Variants in NEGR1 observed in about 807,000 individuals in gnomAD.
NEGR1 encodes the protein neuronal growth regulator 1, also known as IgLON family member 4.
Under a neutral mutation model 40.9 loss-of-function variants are expected in NEGR1, and 10 were observed. The ratio of observed to expected loss-of-function variants is 0.24; its 90% CI spans 0.15 to 0.42. NEGR1 has a LOEUF of 0.42. NEGR1 is among the 10% of genes least tolerant of loss of function. NEGR1 has a pLI of 1.00. For synonymous variants in NEGR1, 185 were observed against 166.8 expected (o/e 1.11, Z -0.84); for missense variants, 352 against 438.9 (o/e 0.80, Z 1.77).
intron 1 of NEGR1, among the ~76,000 whole-genome samples, chr1:71,945,821 G>C (rs184409440): frequency 6.6e-6 from 1 of 152,224 alleles, no homozygotes; most frequent in Admixed American, 6.5e-5. Flanking sequence ...GTGTTAAGTA[G>C]CTTCTATTTT....
chr1:72,162,567 C>T (rs986478563), intron 1 of NEGR1, among the ~76,000 whole-genome samples: 6 of 152,170 alleles, frequency 3.9e-5, no homozygotes, highest in Non-Finnish European at 8.8e-5. Context: ...TTAAAACTGC[C>T]ATGCTTAGTA....
intron 1 of NEGR1, among the ~76,000 whole-genome samples, chr1:72,143,317 T>C (rs2100339210): frequency 6.6e-6 from 1 of 152,044 alleles, no homozygotes; most frequent in East Asian, 1.9e-4. Flanking sequence ...TACAACTAGA[T>C]TTCCCCAAGA....
chr1:71,725,628 C>T (rs549951467), intron 3 of NEGR1, among the ~76,000 whole-genome samples: 2 of 152,190 alleles, frequency 1.3e-5, no homozygotes, highest in South Asian at 2.1e-4. Context: ...TTAGTCTTCT[C>T]AGTATTTTGA....
At chr1:71,935,390 TC>T in intron 1 of NEGR1, 79 bp from the exon 2 acceptor site, 1 of 999,118 alleles carries the variant, frequency 1.0e-6, no homozygotes, top group Non-Finnish European at 1.6e-6. Flanking sequence ...AGTGTTTTTT[TC>T]TTTTGCTGAA....
chr1:72,164,896 A>G (rs1570066255), intron 1 of NEGR1, among the ~76,000 whole-genome samples: 1 of 152,132 alleles, frequency 6.6e-6, no homozygotes, highest in Non-Finnish European at 1.5e-5. Flanking sequence ...TATGCTAAGT[A>G]TCACCATAGC....
chr1:71,404,833 C>T lies in NEGR1; in HGVS notation c.*2613G>A, dbSNP rs975232199. 1 of 152,172 alleles carries T rather than the reference C, an allele frequency of 6.6e-6. No individual in the cohort carries two copies. Among genetic ancestry groups the T allele is most frequent in the Non-Finnish European group, 1.5e-5 (1 of 67,744 alleles). The allele number at this position is 152,172 out of a possible 1,614,324, so 9.4% of individuals were successfully genotyped here. A position where few individuals can be genotyped will look rare whatever the true frequency, so the allele number is the denominator to read the frequency against. The stretch of plus-strand genomic sequence containing the variant: ...ATTCTGAAATTGCAACAATCTTGTA[C>T]AGTCAGGACTGATAAAATGGGGTAA... On this transcript the variant is annotated 3_prime_UTR_variant, in exon 7 of 7. Transcript: ENST00000357731.
intron 1 of NEGR1, among the ~76,000 whole-genome samples, chr1:72,007,075 C>T (rs946239286): frequency 3.3e-5 from 5 of 152,086 alleles, no homozygotes; most frequent in African/African-American, 9.7e-5. Context: ...TAAATAATCA[C>T]TTCCTTTCAT....
At chr1:72,138,445 G>C (rs761441157) in intron 1 of NEGR1, among the ~76,000 whole-genome samples, 4 of 151,822 alleles carry the variant, frequency 2.6e-5, no homozygotes, top group Non-Finnish European at 5.9e-5. Context: ...AATTTGATTT[G>C]AAAAGCAAGG....
chr1:72,160,232 G>A (rs531716424), intron 1 of NEGR1, among the ~76,000 whole-genome samples: 6 of 152,068 alleles, frequency 3.9e-5, no homozygotes, highest in Non-Finnish European at 5.9e-5. Flanking sequence ...GAGTTGATGC[G>A]TGAACAATAT....
At chr1:71,439,507 C>G (rs1316946002) in intron 6 of NEGR1, among the ~76,000 whole-genome samples, 1 of 152,056 alleles carries the variant, frequency 6.6e-6, no homozygotes. Context: ...GGACTACAGG[C>G]ACATGCCACT....
chr1:71,816,489 T>C (rs1658217502), intron 2 of NEGR1, among the ~76,000 whole-genome samples: 1 of 152,002 alleles, frequency 6.6e-6, no homozygotes, highest in Non-Finnish European at 1.5e-5. Context: ...TAGGTGGCAG[T>C]AAGCAAGCGA....
chr1:71,755,695 T>A (rs922760048), intron 3 of NEGR1, among the ~76,000 whole-genome samples: 6 of 152,200 alleles, frequency 3.9e-5, no homozygotes, highest in African/African-American at 1.2e-4. Flanking sequence ...CAAGGCTCAG[T>A]TTAAAAGACA....
chr1:72,033,150 T>C (rs1646873790), intron 1 of NEGR1, among the ~76,000 whole-genome samples: 1 of 152,176 alleles, frequency 6.6e-6, no homozygotes, highest in Non-Finnish European at 1.5e-5. Flanking sequence ...AATTAAACTT[T>C]AGGCTTTGCC....
intron 6 of NEGR1, among the ~76,000 whole-genome samples, chr1:71,483,670 G>A (rs983318360): frequency 6.6e-6 from 1 of 151,844 alleles, no homozygotes. Context: ...AGAGTCTAAT[G>A]TCATGTTCAG....
intron 1 of NEGR1, among the ~76,000 whole-genome samples, chr1:72,038,799 A>G (rs979549097): frequency 1.3e-5 from 2 of 152,046 alleles, no homozygotes; most frequent in Non-Finnish European, 2.9e-5. Flanking sequence ...TTCCAGTGCA[A>G]CACTGAGTAC....
chr1:71,709,767 C>A (rs1375795019), intron 3 of NEGR1, among the ~76,000 whole-genome samples: 1 of 152,110 alleles, frequency 6.6e-6, no homozygotes, highest in Non-Finnish European at 1.5e-5. Flanking sequence ...GTAATTACTA[C>A]AAGAATACAT....
intron 1 of NEGR1, among the ~76,000 whole-genome samples, chr1:72,069,699 A>G (rs1647384375): frequency 6.6e-6 from 1 of 152,128 alleles, no homozygotes; most frequent in African/African-American, 2.4e-5. Context: ...ATTGGTATCC[A>G]ATTAAGATGA....
chr1:71,811,735 G>T (rs1570379857), intron 2 of NEGR1, among the ~76,000 whole-genome samples: 1 of 151,140 alleles, frequency 6.6e-6, no homozygotes, highest in African/African-American at 2.4e-5. Context: ...CTTTTGAAAA[G>T]TGTCTGGTAG....
intron 1 of NEGR1, among the ~76,000 whole-genome samples, chr1:72,177,192 G>A (rs991002709): frequency 6.6e-6 from 1 of 152,030 alleles, no homozygotes; most frequent in African/African-American, 2.4e-5. Context: ...TTTCACAAAT[G>A]AAGAAACTGA....
Sources: allele counts gnomAD v4.1 joint callset (sites outside exome capture counted in the v4.1 genomes callset), GRCh38; gene constraint gnomAD v4.1.1; transcripts MANE v1.5; gene names NCBI Gene and HGNC (gene_info 2026-07-23, HGNC 2026-07-21).